SMAD3: variants seen among roughly 807,000 people sequenced by gnomAD.
The protein encoded by SMAD3 is MAD homolog 3.
SMAD3 carries 12 observed loss-of-function variants against 51.8 expected under a neutral mutation model. The ratio of observed to expected loss-of-function variants is 0.23; its 90% CI spans 0.15 to 0.38. SMAD3 has a LOEUF of 0.38. Ranked by LOEUF, SMAD3 falls within the 10% of genes least tolerant of loss-of-function variation. The probability of loss-of-function intolerance (pLI) is 1.00; values close to 1 mark genes in which losing one functional copy is unlikely to be tolerated. For missense variants in SMAD3, 294 were observed against 565.6 expected, an observed-to-expected ratio of 0.52 and a Z score of 4.87; for synonymous variants, 238 against 227.7, an observed-to-expected ratio of 1.05 and a Z score of -0.41.
intron 1 of SMAD3, among the ~76,000 whole-genome samples, chr15:67,099,966 G>C (rs1052212323): frequency 6.6e-6 from 1 of 152,286 alleles, no homozygotes; most frequent in East Asian, 1.9e-4. Context: ...TGGGTCATTT[G>C]AGGTCAGGAG....
chr15:67,138,207 C>CT (rs1257703068), intron 1 of SMAD3: 3 of 864,042 alleles, frequency 3.5e-6, no homozygotes, highest in Non-Finnish European at 5.6e-6. Flanking sequence ...CCGGGCTTCT[C>CT]TTTCTCTGGG....
At chr15:67,130,024 G>A (rs997373958) in intron 1 of SMAD3, among the ~76,000 whole-genome samples, 9 of 152,194 alleles carry the variant, frequency 5.9e-5, no homozygotes, top group African/African-American at 2.2e-4. Context: ...GTGAGGAGCC[G>A]GGTGGGACCA....
chr15:67,143,262 C>A lies in SMAD3; in HGVS notation c.207-21633C>A, dbSNP rs576353069. ...CCTTTTCAGTGAAATCTTTAGTGTA[C>A]ATATTTGTCACACTGTATTAGAACA... On this transcript the variant is annotated intron_variant, in intron 1 of 8. Transcript: ENST00000327367. Among the ~76,000 whole-genome samples, 9 of 152,300 alleles carry A rather than the reference C, an allele frequency of 5.9e-5. No individual in the cohort carries two copies. The South Asian group carries it at 1.9e-3, about 32-fold the overall frequency.
chr15:67,080,318 G>A (rs1960253638), intron 1 of SMAD3, among the ~76,000 whole-genome samples: 1 of 152,218 alleles, frequency 6.6e-6, no homozygotes. Flanking sequence ...TAGCACTAGA[G>A]CTTAATTAAC....
At position 67,107,965 on chromosome 15, in the gene SMAD3, T is replaced by TCCCCCCCCCCCCCCCCCCCCCCCCCC. The variant is rs138958033; in HGVS notation, c.206+41612_206+41613insCCCCCCCCCCCCCCCCCCCCCCCCCC. On this transcript the variant is annotated intron_variant, in intron 1 of 8. Transcript: ENST00000327367. ...CAGCCTCCCTGGATCTGCTCTCCTC[T>TCCCCCCCCCCCCCCCCCCCCCCCCCC]CCCCCCCACCCCCCCACCACCTCCC... is the stretch of plus-strand genomic sequence containing the variant. 3.2e-5 allele frequency among the ~76,000 whole-genome samples: 4 copies of TCCCCCCCCCCCCCCCCCCCCCCCCCC among 124,638 alleles called. No homozygotes were observed. The Admixed American group carries it at 3.3e-4, about 10-fold the overall frequency. 81.8% of individuals were successfully genotyped at this position (124,638 alleles called of 152,430 possible). A position where few individuals can be genotyped will look rare whatever the true frequency, so the allele number is the denominator to read the frequency against.
chr15:67,157,506 G>A (rs1478352160), intron 1 of SMAD3, among the ~76,000 whole-genome samples: 1 of 152,234 alleles, frequency 6.6e-6, no homozygotes, highest in East Asian at 1.9e-4. Flanking sequence ...TCCTGGGGGT[G>A]TTGCCGTTTC....
chr15:67,066,389 G>C, intron 1 of SMAD3, 29 bp downstream of exon 1: 1 of 1,589,614 alleles, frequency 6.3e-7, no homozygotes, highest in South Asian at 1.1e-5. Flanking sequence ...GGGACCCGGG[G>C]TCACGCCGGC....
chr15:67,143,227 G>A (rs1375442427), intron 1 of SMAD3: 1 of 172,890 alleles, frequency 5.8e-6, no homozygotes, highest in African/African-American at 2.4e-5. Flanking sequence ...TGGCAGATAT[G>A]CCATAAGTAC....
chr15:67,086,341 A>T (rs1960393277), intron 1 of SMAD3, among the ~76,000 whole-genome samples: 1 of 152,182 alleles, frequency 6.6e-6, no homozygotes, highest in African/African-American at 2.4e-5. Flanking sequence ...CTTCATCAGC[A>T]GTAGCATCTA....
At chr15:67,110,602 T>TA (rs1390846006) in intron 1 of SMAD3, among the ~76,000 whole-genome samples, 1 of 152,240 alleles carries the variant, frequency 6.6e-6, no homozygotes, top group Non-Finnish European at 1.5e-5. Context: ...TGCTCATTGT[T>TA]ACTTGTTCTG....
chr15:67,124,524 AT>A (rs57057044), intron 1 of SMAD3, among the ~76,000 whole-genome samples: 11,637 of 152,280 alleles, frequency 0.076, 604 homozygotes, highest in East Asian at 0.25. Context: ...CTTTCTGGAA[AT>A]ATTTTCAAAG....
intron 1 of SMAD3, among the ~76,000 whole-genome samples, chr15:67,150,981 C>T (rs1962125130): frequency 6.7e-6 from 1 of 149,552 alleles, no homozygotes; most frequent in East Asian, 2.0e-4. Context: ...TCAGCCTCCC[C>T]AGTAGCTGGG....
intron 5 of SMAD3, among the ~76,000 whole-genome samples, chr15:67,176,972 T>C (rs963288406): frequency 5.3e-5 from 8 of 152,340 alleles, no homozygotes; most frequent in South Asian, 4.1e-4. Context: ...GAAACTGCTC[T>C]TCAATGGGGT....
At chr15:67,150,845 G>GT (rs1342434861) in intron 1 of SMAD3, among the ~76,000 whole-genome samples, 140 of 14,298 alleles carry the variant, frequency 9.8e-3, no homozygotes, top group Non-Finnish European at 0.012. Context: ...CTATTTCTCA[G>GT]TCTTTTTTTT....
intron 1 of SMAD3, among the ~76,000 whole-genome samples, chr15:67,135,695 C>A (rs1961642563): frequency 6.6e-6 from 1 of 152,170 alleles, no homozygotes; most frequent in African/African-American, 2.4e-5. Flanking sequence ...TCTCCTCTGC[C>A]TCTGTGCTGG....
intron 1 of SMAD3, among the ~76,000 whole-genome samples, chr15:67,103,897 C>G (rs1960818617): frequency 6.6e-6 from 1 of 152,176 alleles, no homozygotes; most frequent in Non-Finnish European, 1.5e-5. Flanking sequence ...ATTAGAGAGG[C>G]TATTTGCCGT....
At chr15:67,138,098 G>A (rs1383329652) in intron 1 of SMAD3, 20 of 1,551,254 alleles carry the variant, frequency 1.3e-5, no homozygotes, top group Admixed American at 2.0e-5. Context: ...GGTGGATGGG[G>A]AGGTAGGAGC....
At chr15:67,103,585 C>G (rs1030604924) in intron 1 of SMAD3, among the ~76,000 whole-genome samples, 2 of 152,184 alleles carry the variant, frequency 1.3e-5, no homozygotes, top group African/African-American at 2.4e-5. Flanking sequence ...GTCCCACTCA[C>G]CCTCCCTGGG....
At position 67,193,863 on chromosome 15, in the gene SMAD3, A is replaced by G. The variant is rs1362606156; in HGVS notation, c.*3327A>G. 9 of 233,250 alleles carry G rather than the reference A, an allele frequency of 3.9e-5. No individual in the cohort carries two copies. The highest frequency in any genetic ancestry group is 6.8e-5 in the Non-Finnish European group (8 of 117,912). The allele number at this position is 233,250 out of a possible 1,614,324, so 14.4% of individuals were successfully genotyped here. ...GCTAAATGCTTTTACTCAAGACTAC[A>G]GAAAGGTTTGAAGTAGTGTGTGCAT... On this transcript the variant is annotated 3_prime_UTR_variant, in exon 9 of 9. Coordinates refer to ENST00000327367, the MANE Select transcript of SMAD3 (RefSeq NM_005902.4).
Sources: allele counts gnomAD v4.1 joint callset (sites outside exome capture counted in the v4.1 genomes callset), GRCh38; gene constraint gnomAD v4.1.1; transcripts MANE v1.5; gene names NCBI Gene and HGNC (gene_info 2026-07-23, HGNC 2026-07-21).